The following TIMD4 variants were observed in gnomAD, a reference collection of about 807,000 sequenced individuals.
TIMD4 encodes T cell immunoglobulin and mucin domain containing 4.
TIMD4 carries 31 observed loss-of-function variants against 41.2 expected under a neutral mutation model. The observed-to-expected ratio is 0.75, with a 90% CI of 0.57 to 1.01. The LOEUF is 1.01. Ranked by LOEUF, TIMD4 falls within the 50% of genes least tolerant of loss-of-function variation. The pLI is 0.00. For synonymous variants in TIMD4, 204 were observed against 177.1 expected, an observed-to-expected ratio of 1.15 and a Z score of -1.21; for missense variants, 479 against 472.5, an observed-to-expected ratio of 1.01 and a Z score of -0.13.
chr5:156,920,210 AC>A (rs1260146409), intron 8 of TIMD4, among the ~76,000 whole-genome samples: 1 of 152,146 alleles, frequency 6.6e-6, no homozygotes, highest in Non-Finnish European at 1.5e-5. Flanking sequence ...GTGCCATATC[AC>A]CTTCTTTCTT....
intron 5 of TIMD4, among the ~76,000 whole-genome samples, chr5:156,944,044 A>G (rs775627237): frequency 6.6e-6 from 1 of 151,016 alleles, no homozygotes; most frequent in Non-Finnish European, 1.5e-5. Flanking sequence ...TGGGTGACAG[A>G]GGTGAGACTC....
intron 1 of TIMD4, among the ~76,000 whole-genome samples, chr5:156,957,686 A>G (rs1759999414): frequency 6.6e-6 from 1 of 151,610 alleles, no homozygotes; most frequent in Admixed American, 6.6e-5. Context: ...AACTTAGCCA[A>G]GTGTGGTGGC....
chr5:156,929,564 G>C (rs1035147608), intron 5 of TIMD4, among the ~76,000 whole-genome samples: 2 of 151,348 alleles, frequency 1.3e-5, no homozygotes, highest in Admixed American at 6.5e-5. Context: ...GTCATGTGAA[G>C]ACGAGAGAGA....
chr5:156,960,677 G>A (rs1760063352), intron 1 of TIMD4, among the ~76,000 whole-genome samples: 1 of 152,270 alleles, frequency 6.6e-6, no homozygotes, highest in East Asian at 1.9e-4. Flanking sequence ...AAAATGCCAG[G>A]ATTATAGGCA....
chr5:156,953,674 A>AAG (rs1238061896), intron 2 of TIMD4, among the ~76,000 whole-genome samples: 11 of 148,840 alleles, frequency 7.4e-5, no homozygotes, highest in Non-Finnish European at 1.0e-4. Context: ...AAAAAAAAAA[A>AAG]AGAGAGAGAG....
At chr5:156,922,458 T>C (rs2113338435) in intron 6 of TIMD4, among the ~76,000 whole-genome samples, 1 of 152,326 alleles carries the variant, frequency 6.6e-6, no homozygotes, top group Non-Finnish European at 1.5e-5. Context: ...ATAACTGTTG[T>C]GAGCTGTGTT....
At chr5:156,939,329 T>C (rs990427440) in intron 5 of TIMD4, among the ~76,000 whole-genome samples, 5 of 152,208 alleles carry the variant, frequency 3.3e-5, no homozygotes, top group Admixed American at 1.3e-4. Context: ...ACTAGACACG[T>C]TGAGCCAAGC....
intron 5 of TIMD4, among the ~76,000 whole-genome samples, chr5:156,945,434 T>C (rs1759722109): frequency 1.3e-5 from 2 of 152,220 alleles, no homozygotes; most frequent in Admixed American, 1.3e-4. Context: ...CCTCCATTTC[T>C]TTACCTATAA....
At chr5:156,937,014 T>C (rs1426039264) in intron 5 of TIMD4, among the ~76,000 whole-genome samples, 1 of 151,752 alleles carries the variant, frequency 6.6e-6, no homozygotes. Context: ...GAGATTCTAA[T>C]AATCATTATT....
chr5:156,958,305 GAAGGAAAGGAAAGGAAAGGA>G (rs66575156), intron 1 of TIMD4, among the ~76,000 whole-genome samples: 14,123 of 83,262 alleles, frequency 0.17, 1,634 homozygotes, highest in Middle Eastern at 0.22. Context: ...AAGAAAGAAA[GAAGGAAAGGAAAGGAAAGGA>G]AAGGAAAGGA....
At chr5:156,957,033 CTT>C (rs74274013) in intron 1 of TIMD4, among the ~76,000 whole-genome samples, 18 of 139,758 alleles carry the variant, frequency 1.3e-4, no homozygotes, top group East Asian at 2.1e-4. Flanking sequence ...TCACAGTTGG[CTT>C]TTTTTTTTTT....
At chr5:156,922,436 T>G (rs1729882905) in intron 6 of TIMD4, among the ~76,000 whole-genome samples, 1 of 152,214 alleles carries the variant, frequency 6.6e-6, no homozygotes, top group Admixed American at 6.5e-5. Context: ...CTCAGGGGTC[T>G]GAGGATAAAA....
chr5:156,955,221 GA>G (rs910823673), intron 1 of TIMD4, among the ~76,000 whole-genome samples: 3 of 152,140 alleles, frequency 2.0e-5, no homozygotes, highest in African/African-American at 4.8e-5. Flanking sequence ...CCTTTTTGCT[GA>G]TTTAAATACT....
At chr5:156,957,852 T>C (rs2113396088) in intron 1 of TIMD4, among the ~76,000 whole-genome samples, 1 of 151,984 alleles carries the variant, frequency 6.6e-6, no homozygotes, top group East Asian at 1.9e-4. Flanking sequence ...AAAGAAAAAA[T>C]AGATGATCTT....
At chr5:156,940,965 T>C (rs1759639978) in intron 5 of TIMD4, among the ~76,000 whole-genome samples, 1 of 152,242 alleles carries the variant, frequency 6.6e-6, no homozygotes, top group Admixed American at 6.5e-5. Flanking sequence ...TTTTGTTCTT[T>C]ACTAAGAAAA....
chr5:156,926,840 A>T (rs1759357115), intron 5 of TIMD4, among the ~76,000 whole-genome samples: 2 of 152,234 alleles, frequency 1.3e-5, no homozygotes, highest in Non-Finnish European at 2.9e-5. Flanking sequence ...TGAGGATGCC[A>T]GGCTTGTTCT....
chr5:156,922,861 A>G (rs907900782), intron 6 of TIMD4, among the ~76,000 whole-genome samples: 1 of 152,214 alleles, frequency 6.6e-6, no homozygotes, highest in African/African-American at 2.4e-5. Flanking sequence ...CATATTTCTC[A>G]GTAATTTTTT....
rs964992620 is a variant in TIMD4 at position 156,920,983 on chromosome 5, C to G, written c.1013-480G>C. Among the ~76,000 whole-genome samples the G allele has an allele frequency of 2.0e-5, 3 of 152,214 alleles. No homozygotes were observed. The South Asian group carries it at 6.2e-4, about 32-fold the overall frequency. On this transcript the variant is annotated intron_variant, in intron 7 of 8. Coordinates refer to ENST00000274532, the MANE Select transcript of TIMD4 (RefSeq NM_138379.3). ...GTTACTAGTCTCATCTCCTGACATA[C>G]TGCCCTGAAACAGCTTTTGTTAATG...
intron 1 of TIMD4, among the ~76,000 whole-genome samples, chr5:156,960,840 G>A (rs1482481023): frequency 3.9e-5 from 6 of 152,220 alleles, no homozygotes; most frequent in South Asian, 2.1e-4. Flanking sequence ...AAATGAGTGA[G>A]CATTTGCTAT....
Sources: allele counts gnomAD v4.1 joint callset (sites outside exome capture counted in the v4.1 genomes callset), GRCh38; gene constraint gnomAD v4.1.1; transcripts MANE v1.5; gene names NCBI Gene and HGNC (gene_info 2026-07-23, HGNC 2026-07-21).